MAPT: variants seen among roughly 807,000 people sequenced by gnomAD.
MAPT encodes microtubule associated protein tau, also known as microtubule-associated protein tau.
A neutral mutation model predicts 67.9 loss-of-function variants in MAPT; 34 were observed. The observed-to-expected ratio is 0.50, with a 90% CI of 0.38 to 0.67. MAPT has a LOEUF of 0.67. MAPT is among the 30% of genes least tolerant of loss of function. The probability of loss-of-function intolerance (pLI) is 0.00; values close to 1 mark genes in which losing one functional copy is unlikely to be tolerated. For synonymous variants in MAPT, 456 were observed against 464.5 expected (o/e 0.98, Z 0.23); for missense variants, 881 against 1,115.2 (o/e 0.79, Z 2.99).
At chr17:45,964,383 T>C (rs2070808614) in intron 2 of MAPT, among the ~76,000 whole-genome samples, 1 of 131,846 alleles carries the variant, frequency 7.6e-6, no homozygotes, top group South Asian at 2.5e-4. Context: ...TTTTCTCCTT[T>C]GAATCCTTCT....
intron 1 of MAPT, chr17:45,895,156 T>TCAG (rs2063088395): frequency 6.6e-6 from 1 of 152,216 alleles, no homozygotes; most frequent in Non-Finnish European, 1.5e-5. Flanking sequence ...CTGTTCGCCA[T>TCAG]CAGCTCTAAG....
At chr17:45,981,653 C>T (rs2072961921) in intron 4 of MAPT, among the ~76,000 whole-genome samples, 1 of 152,148 alleles carries the variant, frequency 6.6e-6, no homozygotes. Flanking sequence ...GATGATCACA[C>T]ATTTTGGATT....
In MAPT at chr17:46,028,247, T is replaced by C. The variant is rs936874865; in HGVS notation, c.*4076T>C. 8 of 152,554 alleles carry C rather than the reference T, an allele frequency of 5.2e-5. No homozygotes were observed. The highest frequency in any genetic ancestry group is 1.7e-4 in the African/African-American group (7 of 41,442). 9.5% of individuals were successfully genotyped at this position (152,554 alleles called of 1,614,324 possible). Reference sequence around the variant, plus strand: ...TTAGCTTTCTGTCTGTGAATGTCTATATAGTGTATTGTGTGTTTTAACAAA... The same window carrying C: ...TTAGCTTTCTGTCTGTGAATGTCTACATAGTGTATTGTGTGTTTTAACAAA... On this transcript the variant is annotated 3_prime_UTR_variant, in exon 13 of 13. Transcript: ENST00000262410.
In MAPT at chr17:45,974,558, G is replaced by A. The variant is rs17651213; in HGVS notation, c.220+2613G>A. The stretch of plus-strand genomic sequence containing the variant: ...TGTGACAGAAGTGAGGGAGCTTTGC[G>A]TGTTTATCCTCCTGTGGGGCAGGAA... On this transcript the variant is annotated intron_variant, in intron 3 of 12. Coordinates refer to ENST00000262410, the MANE Select transcript of MAPT (RefSeq NM_001377265.1). 0.17 allele frequency: 178,946 copies of A among 1,068,254 alleles called. 17,073 individuals are homozygous for A. Among genetic ancestry groups the A allele is most frequent in the Middle Eastern group, 0.21 (854 of 4,144 alleles). 66.2% of individuals were successfully genotyped at this position (1,068,254 alleles called of 1,614,324 possible). A position where few individuals can be genotyped will look rare whatever the true frequency, so the allele number is the denominator to read the frequency against.
rs1373347596 is a variant in MAPT at position 45,995,788 on chromosome 17, C to T, written c.1733-611C>T. Among the ~76,000 whole-genome samples, 1 of 152,190 alleles carries T rather than the reference C, an allele frequency of 6.6e-6. No homozygotes were observed. Among genetic ancestry groups the T allele is most frequent in the Non-Finnish European group, 1.5e-5 (1 of 68,038 alleles). ...GCATCCTGTTCTGAAGGCCAAATCC[C>T]ACAGAGGAGCCAGGGTGCTGGCAGG... On this transcript the variant is annotated intron_variant, in intron 8 of 12. Transcript: ENST00000262410. The surrounding 1 kb of genome is among the most constrained non-coding windows in gnomAD (Gnocchi z 4.3).
intron 8 of MAPT, among the ~76,000 whole-genome samples, chr17:45,993,407 C>T (rs2074231567): frequency 6.6e-6 from 1 of 151,892 alleles, no homozygotes; most frequent in African/African-American, 2.4e-5. Context: ...TTGACTCACA[C>T]TCTGTTTTTT....
chr17:45,964,650 C>T (rs1331511408), intron 2 of MAPT, among the ~76,000 whole-genome samples: 1 of 151,950 alleles, frequency 6.6e-6, no homozygotes, highest in Non-Finnish European at 1.5e-5. Flanking sequence ...CACCACTGCA[C>T]TCCAGCCTGG....
chr17:45,995,020 C>A lies in MAPT; in HGVS notation c.1733-1379C>A, dbSNP rs952442878. ...CCGAGATCACGCCATTGCACTCCAGCCTGGGCATCAGAATAAGACTCCGTC... is the reference window on the plus strand; with the variant it reads ...CCGAGATCACGCCATTGCACTCCAGACTGGGCATCAGAATAAGACTCCGTC... On this transcript the variant is annotated intron_variant, in intron 8 of 12. Transcript: ENST00000262410. This position sits in a 1 kb window ranked among gnomAD's most constrained non-coding sequence, Gnocchi z 4.3. Among the ~76,000 whole-genome samples the A allele has an allele frequency of 6.6e-6, 1 of 152,086 alleles. No homozygotes were observed. The highest frequency in any genetic ancestry group is 2.4e-5 in the African/African-American group (1 of 41,414).
chr17:46,012,828 C>T (rs1424291863), intron 10 of MAPT, among the ~76,000 whole-genome samples: 2 of 150,906 alleles, frequency 1.3e-5, no homozygotes, highest in Admixed American at 6.6e-5. Flanking sequence ...CATACCAGCA[C>T]GTCCTCCCAC....
At chr17:45,941,099 G>A (rs535645941) in intron 1 of MAPT, among the ~76,000 whole-genome samples, 4 of 152,290 alleles carry the variant, frequency 2.6e-5, no homozygotes, top group Admixed American at 6.5e-5. Context: ...AGACCGGAGA[G>A]GCTGAGGCCT....
At chr17:45,904,338 A>AT (rs2064116379) in intron 1 of MAPT, among the ~76,000 whole-genome samples, 9 of 62,412 alleles carry the variant, frequency 1.4e-4, no homozygotes, top group Admixed American at 2.9e-4. Context: ...ATTATATATT[A>AT]TATATATATT....
rs1342105776 is a variant in MAPT, at chr17:45,983,787, CAGGGGCCCCTGGAGAGGGGCCAG to C, written c.1212_1234del (p.Ala405ProfsTer13). ...GAGCATTTGGGAAGGGCTGCATTTC[CAGGGGCCCCTGGAGAGGGGCCAG>C]AGGCCCGGGGCCCCTCTTTGGGAGA... is the stretch of plus-strand genomic sequence containing the variant. On this transcript the variant is annotated frameshift_variant, in exon 5 of 13. Coordinates refer to ENST00000262410, the MANE Select transcript of MAPT (RefSeq NM_001377265.1). LOFTEE classifies it high-confidence loss of function. 3 of 1,613,986 alleles carry C rather than the reference CAGGGGCCCCTGGAGAGGGGCCAG, an allele frequency of 1.9e-6. No homozygotes were observed.
chr17:45,954,219 C>G (rs2069374545), intron 1 of MAPT, among the ~76,000 whole-genome samples: 1 of 152,196 alleles, frequency 6.6e-6, no homozygotes, highest in Admixed American at 6.5e-5. Flanking sequence ...TATCAGAACA[C>G]AGTCATGCTC....
chr17:46,015,851 G>A (rs758506271), intron 11 of MAPT, among the ~76,000 whole-genome samples: 2 of 152,110 alleles, frequency 1.3e-5, no homozygotes, highest in Non-Finnish European at 2.9e-5. Flanking sequence ...ACCTAACTAT[G>A]TACCCACAAA....
chr17:45,982,168 A>G (rs1278240380), intron 4 of MAPT, among the ~76,000 whole-genome samples: 3 of 151,926 alleles, frequency 2.0e-5, no homozygotes, highest in Admixed American at 6.6e-5. Flanking sequence ...CTAAAAATAC[A>G]AAAATTAGCC....
At position 46,002,133 on chromosome 17, in the gene MAPT, CT is replaced by C. The variant is rs2075051189; in HGVS notation, c.1998+5470del. Among the ~76,000 whole-genome samples, 3 of 152,326 alleles carry C rather than the reference CT, an allele frequency of 2.0e-5. No homozygotes were observed. In the South Asian group the frequency reaches 6.2e-4, roughly 32 times the overall value. ...AGCTTGAGCGCTAGGAGAGTTCACA[CT>C]GGCAGAAGAGAGGTTGGGGCAGCTG... On this transcript the variant is annotated intron_variant, in intron 9 of 12. Coordinates refer to ENST00000262410, the MANE Select transcript of MAPT (RefSeq NM_001377265.1).
chr17:46,024,300 C>G lies in MAPT; in HGVS notation c.*129C>G. The G allele has an allele frequency of 1.2e-6, 1 of 835,690 alleles. No individual in the cohort carries two copies. Among genetic ancestry groups the G allele is most frequent in the Non-Finnish European group, 2.0e-6 (1 of 509,464 alleles). 51.8% of individuals were successfully genotyped at this position (835,690 alleles called of 1,614,324 possible). Reference sequence around the variant, plus strand: ...CTCGCAGTTCGGTTAATTGGTTAATCACTTAACCTGCTTTTGTCACTCGGC... The same window carrying G: ...CTCGCAGTTCGGTTAATTGGTTAATGACTTAACCTGCTTTTGTCACTCGGC... On this transcript the variant is annotated 3_prime_UTR_variant, in exon 13 of 13. Coordinates refer to ENST00000262410, the MANE Select transcript of MAPT (RefSeq NM_001377265.1).
At chr17:46,016,480 T>C (rs1188714072) in intron 11 of MAPT, among the ~76,000 whole-genome samples, 1 of 152,060 alleles carries the variant, frequency 6.6e-6, no homozygotes, top group Non-Finnish European at 1.5e-5. Context: ...GTGTAGAAAT[T>C]AGTGCTGTCG....
In MAPT at chr17:46,010,551, G is replaced by T. The variant is rs940545444; in HGVS notation, c.2091+149G>T. The T allele has an allele frequency of 1.6e-5, 11 of 704,890 alleles. No individual in the cohort carries two copies. In the African/African-American group the frequency reaches 1.9e-4, roughly 12 times the overall value. The allele number at this position is 704,890 out of a possible 1,614,324, so 43.7% of individuals were successfully genotyped here. A position where few individuals can be genotyped will look rare whatever the true frequency, so the allele number is the denominator to read the frequency against. On this transcript the variant is annotated intron_variant, in intron 10 of 12. Transcript: ENST00000262410. The surrounding 1 kb of genome is among the most constrained non-coding windows in gnomAD (Gnocchi z 4.7). ...GCGACCTCTGGGTGAATGTAGCCCG[G>T]CTCCCCACATTCCCCCACACGGTCC... is the stretch of plus-strand genomic sequence containing the variant.
Sources: allele counts gnomAD v4.1 joint callset (sites outside exome capture counted in the v4.1 genomes callset), GRCh38; gene constraint gnomAD v4.1.1; non-coding constraint Gnocchi (gnomAD v3.1); transcripts MANE v1.5; gene names NCBI Gene and HGNC (gene_info 2026-07-23, HGNC 2026-07-21).